CSMD3: variants seen among roughly 807,000 people sequenced by gnomAD.
CSMD3 encodes the protein CUB and sushi domain-containing protein 3.
CSMD3 carries 177 observed loss-of-function variants against 435.2 expected under a neutral mutation model. The ratio of observed to expected loss-of-function variants is 0.41; its 90% CI spans 0.36 to 0.46. The LOEUF (loss-of-function observed/expected upper bound fraction) is 0.46. Among genes scored for constraint, CSMD3 ranks in the 20% least tolerant of loss-of-function variants. CSMD3 has a pLI of 0.34. For synonymous variants in CSMD3, 1,656 were observed against 1,520.5 expected (o/e 1.09, Z -2.07); for missense variants, 4,265 against 4,504.6 (o/e 0.95, Z 1.52).
chr8:112,889,038 T>C (rs2081699252), intron 10 of CSMD3, among the ~76,000 whole-genome samples: 1 of 151,616 alleles, frequency 6.6e-6, no homozygotes, highest in Non-Finnish European at 1.5e-5. Flanking sequence ...ATTTAGAAAA[T>C]GGTTTGTTTT....
chr8:112,747,962 C>CAAAAAAAAAAAAAAAAAAAAAAAAAA (rs71309788), intron 13 of CSMD3, among the ~76,000 whole-genome samples: 4 of 96,778 alleles, frequency 4.1e-5, no homozygotes, highest in African/African-American at 7.7e-5. Context: ...GACTCCGTCT[C>CAAAAAAAAAAAAAAAAAAAAAAAAAA]AAAAAAAAAA....
At chr8:113,158,910 C>T (rs1057341419) in intron 4 of CSMD3, among the ~76,000 whole-genome samples, 5 of 151,880 alleles carry the variant, frequency 3.3e-5, no homozygotes, top group Admixed American at 3.3e-4. Context: ...AAAAAATAAA[C>T]AAGACGGTGC....
At chr8:112,910,847 T>G (rs576105137) in intron 10 of CSMD3, among the ~76,000 whole-genome samples, 8 of 152,038 alleles carry the variant, frequency 5.3e-5, no homozygotes, top group Non-Finnish European at 1.2e-4. Flanking sequence ...CTAATTCCAG[T>G]GAAAACGATT....
chr8:112,914,899 C>T (rs998081571), intron 10 of CSMD3, among the ~76,000 whole-genome samples: 4 of 151,830 alleles, frequency 2.6e-5, no homozygotes, highest in African/African-American at 9.7e-5. Flanking sequence ...TGTGGAGAAG[C>T]TAAATAAGGG....
At chr8:112,649,432 A>T (rs150582018) in intron 19 of CSMD3, among the ~76,000 whole-genome samples, 131 of 152,356 alleles carry the variant, frequency 8.6e-4, no homozygotes, top group African/African-American at 2.9e-3. Flanking sequence ...GGTATCTTCC[A>T]CTTCAAGAAA....
At chr8:113,247,425 T>C (rs573686854) in intron 3 of CSMD3, among the ~76,000 whole-genome samples, 1 of 152,298 alleles carries the variant, frequency 6.6e-6, no homozygotes, top group African/African-American at 2.4e-5. Flanking sequence ...GTGCACCTAA[T>C]AGTTTTCAAG....
chr8:112,371,368 G>A (rs918659222), intron 38 of CSMD3, among the ~76,000 whole-genome samples: 3 of 152,098 alleles, frequency 2.0e-5, no homozygotes, highest in Non-Finnish European at 4.4e-5. Context: ...TTGTGTGCAG[G>A]TGTTTCATGA....
intron 1 of CSMD3, among the ~76,000 whole-genome samples, chr8:113,329,814 G>A (rs1403793483): frequency 2.0e-5 from 3 of 151,958 alleles, no homozygotes; most frequent in Admixed American, 2.0e-4. Context: ...AATGAAACAA[G>A]AGAACGTTAA....
chr8:112,376,012 T>C (rs1003441191), intron 38 of CSMD3, among the ~76,000 whole-genome samples: 2 of 152,140 alleles, frequency 1.3e-5, no homozygotes, highest in Non-Finnish European at 2.9e-5. Context: ...GAACATGAAG[T>C]TTCCTCTGCT....
intron 17 of CSMD3, among the ~76,000 whole-genome samples, chr8:112,657,358 C>T (rs2075281928): frequency 6.6e-6 from 1 of 152,060 alleles, no homozygotes; most frequent in Admixed American, 6.6e-5. Context: ...CCACTGCACC[C>T]AGCCACCTTC....
chr8:112,917,187 G>A (rs2082599061), intron 10 of CSMD3, among the ~76,000 whole-genome samples: 1 of 151,886 alleles, frequency 6.6e-6, no homozygotes, highest in African/African-American at 2.4e-5. Flanking sequence ...CACTTTAGAG[G>A]CATTGATTAT....
chr8:113,154,320 G>A (rs758670405), intron 4 of CSMD3, among the ~76,000 whole-genome samples: 3 of 151,978 alleles, frequency 2.0e-5, no homozygotes, highest in Non-Finnish European at 2.9e-5. Context: ...CAATGTTTTG[G>A]TCACTGAAAT....
intron 3 of CSMD3, among the ~76,000 whole-genome samples, chr8:113,177,044 G>T (rs1466287037): frequency 6.6e-6 from 1 of 151,222 alleles, no homozygotes; most frequent in Non-Finnish European, 1.5e-5. Context: ...TAAAATTACA[G>T]ATTTTATATA....
At chr8:112,244,313 T>C (rs1814475950) in intron 65 of CSMD3, 81 bp downstream of exon 65, 7 of 1,205,058 alleles carry the variant, frequency 5.8e-6, no homozygotes, top group South Asian at 2.5e-5. Context: ...CTATGCTAAT[T>C]TGAGTTGAGT....
chr8:113,040,746 T>C (rs1049125652), intron 5 of CSMD3, among the ~76,000 whole-genome samples: 2 of 152,190 alleles, frequency 1.3e-5, no homozygotes, highest in Admixed American at 6.5e-5. Flanking sequence ...AGTATTGATA[T>C]CAAATACACA....
chr8:113,345,708 C>T (rs1221750072), intron 1 of CSMD3, among the ~76,000 whole-genome samples: 2 of 152,064 alleles, frequency 1.3e-5, no homozygotes, highest in African/African-American at 4.8e-5. Flanking sequence ...AAACATTTTA[C>T]ATGTAATAAT....
intron 2 of CSMD3, among the ~76,000 whole-genome samples, chr8:113,295,121 C>T (rs1013483404): frequency 7.9e-5 from 12 of 152,092 alleles, no homozygotes; most frequent in African/African-American, 1.7e-4. Context: ...GCCATAATCA[C>T]ATCATGGTAA....
chr8:112,751,584 T>C (rs1326613035), intron 13 of CSMD3, among the ~76,000 whole-genome samples: 1 of 151,558 alleles, frequency 6.6e-6, no homozygotes, highest in Non-Finnish European at 1.5e-5. Flanking sequence ...GGTAGTAAAA[T>C]ACCTATTCCA....
intron 31 of CSMD3, among the ~76,000 whole-genome samples, chr8:112,485,875 A>C (rs1408138538): frequency 6.6e-6 from 1 of 152,030 alleles, no homozygotes; most frequent in South Asian, 2.1e-4. Flanking sequence ...GTCTAATCTT[A>C]ACATATTTGT....
Sources: gnomAD v4.1 joint callset for allele counts (sites outside exome capture counted in the v4.1 genomes callset) on GRCh38, gnomAD v4.1.1 for gene constraint, MANE v1.5 for transcripts, NCBI Gene and HGNC (gene_info 2026-07-23, HGNC 2026-07-21) for gene names.